Variants in GFRA1 observed in about 807,000 individuals in gnomAD.
GFRA1 encodes the protein GDNF family receptor alpha 1.
GFRA1 carries 16 observed loss-of-function variants against 51.6 expected under a neutral mutation model. That is an observed-to-expected ratio of 0.31 (90% CI 0.21 to 0.47). The LOEUF is 0.47. GFRA1 is among the 20% of genes least tolerant of loss of function. The pLI is 1.00. For missense variants in GFRA1, 530 were observed against 594.3 expected, an observed-to-expected ratio of 0.89 and a Z score of 1.13; for synonymous variants, 270 against 241.3, an observed-to-expected ratio of 1.12 and a Z score of -1.10.
chr10:116,193,932 C>T (rs765990491), intron 5 of GFRA1, among the ~76,000 whole-genome samples: 28 of 151,580 alleles, frequency 1.8e-4, no homozygotes, highest in Admixed American at 1.3e-3. Flanking sequence ...CCAGCTACTC[C>T]GGAGACTGAG....
chr10:116,134,123 C>A (rs1207481092), intron 5 of GFRA1, among the ~76,000 whole-genome samples: 2 of 152,202 alleles, frequency 1.3e-5, no homozygotes, highest in African/African-American at 4.8e-5. Flanking sequence ...TTAAAATCTG[C>A]ATGGCCTGCA....
chr10:116,104,514 C>T (rs528547642), intron 6 of GFRA1, among the ~76,000 whole-genome samples: 2 of 152,308 alleles, frequency 1.3e-5, no homozygotes, highest in Admixed American at 1.3e-4. Context: ...AATGGAGTTC[C>T]GGCGATGCAG....
chr10:116,126,184 A>C (rs1314353340), intron 5 of GFRA1, among the ~76,000 whole-genome samples: 2 of 152,228 alleles, frequency 1.3e-5, no homozygotes, highest in Non-Finnish European at 2.9e-5. Flanking sequence ...CAAACCTCTC[A>C]ATTACCACTT....
chr10:116,205,771 C>T (rs1351570569), intron 5 of GFRA1, among the ~76,000 whole-genome samples: 2 of 151,938 alleles, frequency 1.3e-5, no homozygotes, highest in African/African-American at 4.8e-5. Context: ...CTCATGCCCT[C>T]AGATGGGAGT....
chr10:116,155,900 G>A (rs895218604), intron 5 of GFRA1, among the ~76,000 whole-genome samples: 18 of 152,144 alleles, frequency 1.2e-4, no homozygotes, highest in African/African-American at 3.6e-4. Flanking sequence ...GGAGGGAGAA[G>A]CCCTCTCCTG....
At chr10:116,120,241 C>G (rs1317116142) in intron 6 of GFRA1, among the ~76,000 whole-genome samples, 1 of 152,172 alleles carries the variant, frequency 6.6e-6, no homozygotes, top group African/African-American at 2.4e-5. Flanking sequence ...TCAGCATTAT[C>G]AGAATCTTTC....
At chr10:116,153,610 G>A (rs1959142171) in intron 5 of GFRA1, among the ~76,000 whole-genome samples, 1 of 152,188 alleles carries the variant, frequency 6.6e-6, no homozygotes, top group Non-Finnish European at 1.5e-5. Flanking sequence ...TTGACCAAGT[G>A]TGGACATAAA....
At chr10:116,070,271 C>G (rs1955319347) in intron 9 of GFRA1, among the ~76,000 whole-genome samples, 1 of 152,170 alleles carries the variant, frequency 6.6e-6, no homozygotes. Context: ...CTGTAAAATG[C>G]AATCAACTTT....
intron 5 of GFRA1, among the ~76,000 whole-genome samples, chr10:116,166,276 T>C (rs1960391992): frequency 6.6e-6 from 1 of 152,224 alleles, no homozygotes; most frequent in South Asian, 2.1e-4. Flanking sequence ...CATGTGTCTT[T>C]ATGGGAGAAT....
At chr10:116,103,174 T>C (rs1417555702) in intron 6 of GFRA1, among the ~76,000 whole-genome samples, 1 of 152,216 alleles carries the variant, frequency 6.6e-6, no homozygotes, top group African/African-American at 2.4e-5. Flanking sequence ...TGTGGTGCCA[T>C]ACCAGTTGCT....
At chr10:116,259,981 C>G (rs537992259) in intron 4 of GFRA1, among the ~76,000 whole-genome samples, 1 of 152,166 alleles carries the variant, frequency 6.6e-6, no homozygotes, top group African/African-American at 2.4e-5. Context: ...GCTTCCCCAG[C>G]GGGACTCCTC....
rs531728905 is a variant in GFRA1, at chr10:116,201,898, T to A, written c.433+9733A>T. On this transcript the variant is annotated intron_variant, in intron 5 of 10. Transcript: ENST00000355422. ...AAGATTTTTGGATCCAAGAATAAGG[T>A]AACATTTGGATTCACTGTCAACATG... Among the ~76,000 whole-genome samples the A allele has an allele frequency of 2.0e-5, 3 of 152,128 alleles. No individual in the cohort carries two copies. The South Asian group carries it at 6.2e-4, about 32-fold the overall frequency.
intron 5 of GFRA1, among the ~76,000 whole-genome samples, chr10:116,149,359 G>GC (rs1199896059): frequency 6.6e-6 from 1 of 152,024 alleles, no homozygotes; most frequent in African/African-American, 2.4e-5. Flanking sequence ...GGGATTTTTA[G>GC]CCCCCCACAG....
At chr10:116,070,507 A>G (rs898452702) in intron 9 of GFRA1, among the ~76,000 whole-genome samples, 2 of 152,216 alleles carry the variant, frequency 1.3e-5, no homozygotes, top group African/African-American at 2.4e-5. Flanking sequence ...CATGGGAAGA[A>G]GAGTATGTAC....
chr10:116,065,487 G>T, intron 10 of GFRA1, 86 bp downstream of exon 10: 3 of 1,072,376 alleles, frequency 2.8e-6, no homozygotes, highest in East Asian at 2.5e-5. Context: ...TCTTGTCTTT[G>T]AATGCTTTAT....
At chr10:116,142,261 G>C (rs1195104340) in intron 5 of GFRA1, among the ~76,000 whole-genome samples, 2 of 152,158 alleles carry the variant, frequency 1.3e-5, no homozygotes, top group Admixed American at 1.3e-4. Flanking sequence ...TAATCTCAAA[G>C]GAGGTTTTGC....
In GFRA1 at chr10:116,135,046, G is replaced by A. The variant is rs1007938985; in HGVS notation, c.434-9489C>T. ...GATCTCTGAAGTTTTCTACTTGTTT[G>A]TGTTCAACTAGCTTTGAAACAAAGG... On this transcript the variant is annotated intron_variant, in intron 5 of 10. Transcript: ENST00000355422. Among the ~76,000 whole-genome samples the A allele has an allele frequency of 4.6e-5, 7 of 152,270 alleles. 1 individual carries two copies. The highest frequency in any genetic ancestry group is 4.8e-5 in the African/African-American group (2 of 41,562).
intron 6 of GFRA1, among the ~76,000 whole-genome samples, chr10:116,098,508 A>G (rs774087750): frequency 2.6e-5 from 4 of 152,236 alleles, no homozygotes; most frequent in Non-Finnish European, 5.9e-5. Context: ...TTTCCTGGTC[A>G]TGAAAGTTAA....
chr10:116,155,007 G>A (rs1295531199), intron 5 of GFRA1, among the ~76,000 whole-genome samples: 1 of 152,160 alleles, frequency 6.6e-6, no homozygotes, highest in African/African-American at 2.4e-5. Flanking sequence ...CTTTCTGGAA[G>A]AGGATATTTA....
Sources: allele counts gnomAD v4.1 joint callset (sites outside exome capture counted in the v4.1 genomes callset), GRCh38; gene constraint gnomAD v4.1.1; transcripts MANE v1.5; gene names NCBI Gene and HGNC (gene_info 2026-07-23, HGNC 2026-07-21).